MLLT10: variants seen among roughly 807,000 people sequenced by gnomAD.
MLLT10 encodes protein AF-10.
MLLT10 carries 30 observed loss-of-function variants against 129.1 expected under a neutral mutation model. That is an observed-to-expected ratio of 0.23 (90% CI 0.17 to 0.32). The LOEUF is 0.32. Ranked by LOEUF, MLLT10 falls within the 10% of genes least tolerant of loss-of-function variation. The probability of loss-of-function intolerance (pLI) is 1.00; values close to 1 mark genes in which losing one functional copy is unlikely to be tolerated. For missense variants in MLLT10, 1,119 were observed against 1,268.3 expected (o/e 0.88, Z 1.79); for synonymous variants, 490 against 446.4 (o/e 1.10, Z -1.23).
intron 3 of MLLT10, among the ~76,000 whole-genome samples, chr10:21,556,038 C>T (rs1356179756): frequency 7.3e-6 from 1 of 137,188 alleles, no homozygotes; most frequent in East Asian, 2.2e-4. Context: ...TGCAATGGTG[C>T]GATCTCGGCT....
intron 9 of MLLT10, among the ~76,000 whole-genome samples, chr10:21,654,744 A>G (rs916100196): frequency 3.3e-5 from 5 of 152,178 alleles, no homozygotes; most frequent in Non-Finnish European, 7.3e-5. Flanking sequence ...TACCATCTGA[A>G]TACAGCGAAT....
chr10:21,568,335 G>T (rs909513431), intron 3 of MLLT10, among the ~76,000 whole-genome samples: 4 of 152,152 alleles, frequency 2.6e-5, no homozygotes, highest in Non-Finnish European at 5.9e-5. Context: ...TTTTAAATTT[G>T]TACTTAGTGG....
intron 8 of MLLT10, among the ~76,000 whole-genome samples, chr10:21,621,502 C>T (rs2045851851): frequency 6.6e-6 from 1 of 152,208 alleles, no homozygotes; most frequent in Admixed American, 6.5e-5. Flanking sequence ...CTCTCGGCCT[C>T]CCAAAGTGCT....
intron 2 of MLLT10, among the ~76,000 whole-genome samples, chr10:21,536,150 A>G (rs2130880229): frequency 6.6e-6 from 1 of 152,320 alleles, no homozygotes; most frequent in East Asian, 1.9e-4. Context: ...CATGTTGGCC[A>G]GGCTGGTCTC....
At chr10:21,539,673 G>A (rs1026400718) in intron 3 of MLLT10, among the ~76,000 whole-genome samples, 1 of 152,172 alleles carries the variant, frequency 6.6e-6, no homozygotes, top group African/African-American at 2.4e-5. Flanking sequence ...GGAGGCTGAA[G>A]CAGGAGAATT....
chr10:21,713,753 A>G lies in MLLT10; in HGVS notation c.1700-19A>G, dbSNP rs2056314765. On this transcript the variant is annotated intron_variant, in intron 13 of 22. Coordinates refer to ENST00000307729, the MANE Select transcript of MLLT10 (RefSeq NM_001195626.3). ...TTTGACTGCTAAGTTATATTTAAATAACATTTGTTTTTTTGCAGGTATTTA... is the reference window on the plus strand; with the variant it reads ...TTTGACTGCTAAGTTATATTTAAATGACATTTGTTTTTTTGCAGGTATTTA... 1 of 1,598,568 alleles carries G rather than the reference A, an allele frequency of 6.3e-7. No homozygotes were observed. The highest frequency in any genetic ancestry group is 1.7e-5 in the Admixed American group (1 of 58,138).
intron 4 of MLLT10, 149 bp downstream of exon 4, chr10:21,586,497 A>T (rs746345139): frequency 3.8e-5 from 28 of 730,470 alleles, no homozygotes; most frequent in Non-Finnish European, 6.0e-5. Context: ...ATAAATCCTT[A>T]TTGTATTGAC....
intron 8 of MLLT10, among the ~76,000 whole-genome samples, chr10:21,631,567 T>C (rs969193272): frequency 6.6e-6 from 1 of 151,968 alleles, no homozygotes; most frequent in Admixed American, 6.6e-5. Context: ...TTCTGCAGGC[T>C]GTACAGGAAG....
At chr10:21,583,316 C>T (rs2041661121) in intron 3 of MLLT10, among the ~76,000 whole-genome samples, 1 of 151,992 alleles carries the variant, frequency 6.6e-6, no homozygotes, top group African/African-American at 2.4e-5. Context: ...AGTAAGATTG[C>T]CTAGTGTTTC....
intron 14 of MLLT10, among the ~76,000 whole-genome samples, chr10:21,717,617 CTCT>C (rs2056741414): frequency 7.6e-6 from 1 of 130,978 alleles, no homozygotes; most frequent in African/African-American, 2.9e-5. Context: ...CTTCTTCCTC[CTCT>C]TCCTCCTCCT....
At chr10:21,722,314 A>G (rs1414894116) in intron 14 of MLLT10, among the ~76,000 whole-genome samples, 2 of 152,178 alleles carry the variant, frequency 1.3e-5, no homozygotes, top group African/African-American at 4.8e-5. Context: ...TTGAAATGTC[A>G]TATAATAGGT....
At chr10:21,550,839 G>C (rs1298084854) in intron 3 of MLLT10, among the ~76,000 whole-genome samples, 2 of 151,178 alleles carry the variant, frequency 1.3e-5, no homozygotes, top group Non-Finnish European at 2.9e-5. Context: ...GCCTTATTTA[G>C]CTTTAAAGTT....
At chr10:21,639,503 G>A (rs961484324) in intron 8 of MLLT10, among the ~76,000 whole-genome samples, 2 of 152,166 alleles carry the variant, frequency 1.3e-5, no homozygotes, top group East Asian at 3.9e-4. Flanking sequence ...TATTATGAAG[G>A]ATATTACGAA....
At chr10:21,544,726 A>G (rs1391434041) in intron 3 of MLLT10, among the ~76,000 whole-genome samples, 1 of 152,220 alleles carries the variant, frequency 6.6e-6, no homozygotes, top group Non-Finnish European at 1.5e-5. Flanking sequence ...CTTAGATATC[A>G]AGGTGCTCAC....
At chr10:21,715,739 G>A (rs558251047) in intron 14 of MLLT10, among the ~76,000 whole-genome samples, 1 of 152,316 alleles carries the variant, frequency 6.6e-6, no homozygotes, top group Admixed American at 6.5e-5. Flanking sequence ...TATAGCTAGA[G>A]GGAAAATTCC....
At chr10:21,559,233 G>A (rs540921123) in intron 3 of MLLT10, among the ~76,000 whole-genome samples, 3 of 152,250 alleles carry the variant, frequency 2.0e-5, no homozygotes, top group South Asian at 2.1e-4. Flanking sequence ...ACAGGCATCC[G>A]CCACCACGCC....
In MLLT10 at chr10:21,537,797, A is replaced by G. The variant is rs114038546; in HGVS notation, c.161-1036A>G. Among the ~76,000 whole-genome samples the G allele has an allele frequency of 3.2e-3, 493 of 152,220 alleles. 1 individual carries two copies. Among genetic ancestry groups the G allele is most frequent in the African/African-American group, 0.01 (417 of 41,532 alleles). On this transcript the variant is annotated intron_variant, in intron 2 of 22. Transcript: ENST00000307729. ...ATTTATATTCTTTAAATGCTTTCCA[A>G]TATTTAAGATATTTTCATATTTCTG...
At position 21,681,381 on chromosome 10, in the gene MLLT10, G is replaced by C; in HGVS notation, c.1666+5G>C. 6.2e-7 allele frequency: 1 copy of C among 1,605,852 alleles called. No homozygotes were observed. Among genetic ancestry groups the C allele is most frequent in the Non-Finnish European group, 8.5e-7 (1 of 1,174,390 alleles). Reference sequence around the variant, plus strand: ...ATGGAGCTTGCCCAACAACTAGTAAGTTGTCAAACTGGGTTGATAACCCGG... The same window carrying C: ...ATGGAGCTTGCCCAACAACTAGTAACTTGTCAAACTGGGTTGATAACCCGG... On this transcript the variant is annotated splice_donor_5th_base_variant and intron_variant, in intron 12 of 22. Transcript: ENST00000307729.
At chr10:21,676,460 C>T (rs534067773) in intron 11 of MLLT10, among the ~76,000 whole-genome samples, 1 of 149,620 alleles carries the variant, frequency 6.7e-6, no homozygotes, top group East Asian at 2.0e-4. Flanking sequence ...GTGACTTACG[C>T]CTGTAATCCC....
Sources: gnomAD v4.1 joint callset for allele counts (sites outside exome capture counted in the v4.1 genomes callset) on GRCh38, gnomAD v4.1.1 for gene constraint, MANE v1.5 for transcripts, NCBI Gene and HGNC (gene_info 2026-07-23, HGNC 2026-07-21) for gene names.